The following LRRTM4 variants were observed in gnomAD, a reference collection of about 807,000 sequenced individuals.
LRRTM4 encodes the protein leucine rich repeat transmembrane neuronal 4.
LRRTM4 carries 25 observed loss-of-function variants against 47.6 expected under a neutral mutation model. The observed-to-expected ratio is 0.53, with a 90% CI of 0.38 to 0.73. LRRTM4 has a LOEUF of 0.73. Among genes scored for constraint, LRRTM4 ranks in the 30% least tolerant of loss-of-function variants. The pLI is 0.00. For synonymous variants in LRRTM4, 311 were observed against 269.5 expected (o/e 1.15, Z -1.51); for missense variants, 638 against 713.4 (o/e 0.89, Z 1.20).
chr2:77,416,647 T>C (rs774896593), intron 3 of LRRTM4, among the ~76,000 whole-genome samples: 1 of 152,054 alleles, frequency 6.6e-6, no homozygotes, highest in Non-Finnish European at 1.5e-5. Context: ...TTCATTAATA[T>C]AATCTTAGCA....
At chr2:77,197,922 G>A (rs1412194825) in intron 3 of LRRTM4, among the ~76,000 whole-genome samples, 1 of 152,146 alleles carries the variant, frequency 6.6e-6, no homozygotes. Flanking sequence ...GGGAAAAACT[G>A]TTTTGAATTA....
intron 3 of LRRTM4, among the ~76,000 whole-genome samples, chr2:76,749,290 A>G (rs148439289): frequency 1.4e-3 from 214 of 152,286 alleles, no homozygotes; most frequent in African/African-American, 4.8e-3. Flanking sequence ...ATCTGTTGTA[A>G]TACGGCAAGA....
intron 3 of LRRTM4, among the ~76,000 whole-genome samples, chr2:76,850,475 A>G (rs947884059): frequency 8.5e-5 from 13 of 152,156 alleles, no homozygotes; most frequent in Non-Finnish European, 1.0e-4. Context: ...CTGATCCTCA[A>G]TTTTGCCAGT....
At chr2:77,340,164 G>A (rs1050225060) in intron 3 of LRRTM4, among the ~76,000 whole-genome samples, 1 of 151,848 alleles carries the variant, frequency 6.6e-6, no homozygotes, top group Non-Finnish European at 1.5e-5. Flanking sequence ...ATATGCATCT[G>A]TTTGGTATCA....
chr2:77,520,196 C>T (rs753183288), intron 2 of LRRTM4, among the ~76,000 whole-genome samples: 2 of 152,042 alleles, frequency 1.3e-5, no homozygotes, highest in Non-Finnish European at 2.9e-5. Context: ...TAATATTTGG[C>T]TAACCACTGT....
chr2:77,310,157 A>G (rs974031564), intron 3 of LRRTM4, among the ~76,000 whole-genome samples: 1 of 152,176 alleles, frequency 6.6e-6, no homozygotes, highest in Non-Finnish European at 1.5e-5. Context: ...TGCTAAGCTC[A>G]TATGTTTATA....
intron 3 of LRRTM4, among the ~76,000 whole-genome samples, chr2:77,356,837 C>A (rs924901): frequency 1.3e-5 from 2 of 151,886 alleles, no homozygotes; most frequent in African/African-American, 4.8e-5. Context: ...TATATGCACA[C>A]AAGGGTGCGT....
intron 3 of LRRTM4, among the ~76,000 whole-genome samples, chr2:77,240,477 AACAT>A (rs1231401486): frequency 6.6e-6 from 1 of 152,016 alleles, no homozygotes; most frequent in Non-Finnish European, 1.5e-5. Context: ...GAGCTATACT[AACAT>A]ACCTAAGAGT....
intron 3 of LRRTM4, among the ~76,000 whole-genome samples, chr2:76,947,506 A>G (rs1210959030): frequency 6.6e-6 from 1 of 151,870 alleles, no homozygotes; most frequent in Admixed American, 6.6e-5. Context: ...ATAAAATAAA[A>G]TATTTGTGTT....
chr2:76,967,671 A>T (rs1042903392), intron 3 of LRRTM4, among the ~76,000 whole-genome samples: 1 of 151,712 alleles, frequency 6.6e-6, no homozygotes, highest in African/African-American at 2.4e-5. Context: ...ACGCATGAGG[A>T]TTCCTCTTCT....
intron 3 of LRRTM4, among the ~76,000 whole-genome samples, chr2:76,982,883 TA>T (rs1003113653): frequency 2.7e-4 from 41 of 152,080 alleles, no homozygotes; most frequent in Middle Eastern, 3.4e-3. Context: ...CAATTTATAT[TA>T]AAAAAAATTC....
chr2:76,756,813 A>G (rs1425445027), intron 3 of LRRTM4, among the ~76,000 whole-genome samples: 3 of 152,172 alleles, frequency 2.0e-5, no homozygotes, highest in Non-Finnish European at 4.4e-5. Context: ...ATTCGAAAGA[A>G]GACGAGGAAG....
At chr2:76,760,122 T>C (rs1223258146) in intron 3 of LRRTM4, among the ~76,000 whole-genome samples, 3 of 152,142 alleles carry the variant, frequency 2.0e-5, no homozygotes, top group African/African-American at 7.2e-5. Flanking sequence ...GAAGTTTACC[T>C]CTAAAGCTGT....
intron 3 of LRRTM4, among the ~76,000 whole-genome samples, chr2:77,333,941 T>C (rs924364207): frequency 1.3e-5 from 2 of 152,184 alleles, no homozygotes; most frequent in African/African-American, 4.8e-5. Context: ...CCTAAGACCA[T>C]GGGAACCCGC....
chr2:77,061,769 A>G (rs1025866568), intron 3 of LRRTM4, among the ~76,000 whole-genome samples: 1 of 152,186 alleles, frequency 6.6e-6, no homozygotes, highest in Non-Finnish European at 1.5e-5. Context: ...TGATTCATTA[A>G]TGTGAACAAT....
At chr2:77,316,039 G>GGTCT (rs1475188964) in intron 3 of LRRTM4, among the ~76,000 whole-genome samples, 7 of 152,130 alleles carry the variant, frequency 4.6e-5, no homozygotes, top group Admixed American at 3.3e-4. Context: ...TAAATTTGGT[G>GGTCT]GTCTGTCTTC....
intron 3 of LRRTM4, among the ~76,000 whole-genome samples, chr2:76,946,101 TAAAAGTCAGTATTTTCCCTAGACTTAA>T: frequency 6.6e-6 from 1 of 152,090 alleles, no homozygotes; most frequent in Non-Finnish European, 1.5e-5. Context: ...AATAATGCCT[TAAAAGTCAGTATTTTCCCTAGACTTAA>T]ATGCTTTCCT....
chr2:77,484,091 T>C (rs1473083940), intron 3 of LRRTM4, among the ~76,000 whole-genome samples: 1 of 152,216 alleles, frequency 6.6e-6, no homozygotes, highest in Non-Finnish European at 1.5e-5. Flanking sequence ...GCATTTATTT[T>C]AGTGGTTTGA....
At chr2:76,979,503 C>T (rs1558775099) in intron 3 of LRRTM4, among the ~76,000 whole-genome samples, 1 of 132,648 alleles carries the variant, frequency 7.5e-6, no homozygotes, top group Non-Finnish European at 1.6e-5. Flanking sequence ...ACAGCACAGA[C>T]AATGCATATC....
Sources: gnomAD v4.1 joint callset for allele counts (sites outside exome capture counted in the v4.1 genomes callset) on GRCh38, gnomAD v4.1.1 for gene constraint, MANE v1.5 for transcripts, NCBI Gene and HGNC (gene_info 2026-07-23, HGNC 2026-07-21) for gene names.